TCERG1: variants seen among roughly 807,000 people sequenced by gnomAD.
The protein encoded by TCERG1 is TATA box binding protein (TBP)-associated factor, RNA polymerase II, S, 150kD.
A neutral mutation model predicts 144.7 loss-of-function variants in TCERG1; 37 were observed. That is an observed-to-expected ratio of 0.26 (90% CI 0.20 to 0.34). The LOEUF is 0.34. TCERG1 is among the 10% of genes least tolerant of loss of function. TCERG1 has a pLI of 1.00. For missense variants in TCERG1, 1,027 were observed against 1,380.7 expected (o/e 0.74, Z 4.06); for synonymous variants, 492 against 458.2 (o/e 1.07, Z -0.94).
In TCERG1 at chr5:146,480,056, A is replaced by G. The variant is rs376734874; in HGVS notation, c.1848A>G (p.Glu616=). The change falls in exon 12 of 23, where the codon GAA becomes GAG. Residue 616 remains glutamate, a synonymous_variant. Coordinates refer to ENST00000679501, the MANE Select transcript of TCERG1 (RefSeq NM_001382548.1). ...AIKEEQELME[E]INEDEPVKAK... ...AAGAGGAACAAGAATTAATGGAAGA[A>G]ATTAATGAAGATGAGCCTGTTAAAG... The G allele has an allele frequency of 3.4e-5, 54 of 1,601,874 alleles. No homozygotes were observed. The Admixed American group carries it at 5.9e-4, about 17-fold the overall frequency.
rs1581571737 is a variant in TCERG1, at chr5:146,503,195, G to A, written c.2434-180G>A. 3 of 462,104 alleles carry A rather than the reference G, an allele frequency of 6.5e-6. No homozygotes were observed. In the East Asian group the frequency reaches 1.0e-4, roughly 16 times the overall value. The allele number at this position is 462,104 out of a possible 1,614,324, so 28.6% of individuals were successfully genotyped here. A position where few individuals can be genotyped will look rare whatever the true frequency, so the allele number is the denominator to read the frequency against. On this transcript the variant is annotated intron_variant, in intron 17 of 22. Coordinates refer to ENST00000679501, the MANE Select transcript of TCERG1 (RefSeq NM_001382548.1). The stretch of plus-strand genomic sequence containing the variant: ...ATGCTTGTCGATGTTTACATTTCTA[G>A]TAAAAGAACACTTCTGATCTTTTAC...
intron 3 of TCERG1, 122 bp downstream of exon 3, chr5:146,457,457 G>A (rs1762923431): frequency 1.0e-6 from 1 of 973,394 alleles, no homozygotes; most frequent in African/African-American, 1.7e-5. Flanking sequence ...AGCAGGGAAT[G>A]GGGTAAGACT....
chr5:146,490,997 AT>A (rs1561687256), intron 15 of TCERG1, among the ~76,000 whole-genome samples: 2 of 151,496 alleles, frequency 1.3e-5, no homozygotes, highest in Non-Finnish European at 2.9e-5. Context: ...GTTTAGGAAC[AT>A]TTTTTTCTTT....
chr5:146,455,916 A>G (rs752478593), intron 2 of TCERG1, among the ~76,000 whole-genome samples: 2 of 152,248 alleles, frequency 1.3e-5, no homozygotes, highest in Non-Finnish European at 2.9e-5. Flanking sequence ...AGGTGAGGTC[A>G]TGAAGGTATG....
rs1025064992 is a variant in TCERG1, at chr5:146,481,187, G to A, written c.1924G>A (p.Ala642Thr). The A allele has an allele frequency of 4.1e-5, 40 of 985,128 alleles. No individual in the cohort carries two copies. The highest frequency in any genetic ancestry group is 1.1e-4 in the East Asian group (1 of 8,826). 61.0% of individuals were successfully genotyped at this position (985,128 alleles called of 1,614,324 possible). ...SKKSFMWIAR[A>T]SLFRRDDNKD... ...GAAGTCCTTTATGTGGATTGCCCGA[G>A]CTTCTCTATTTAGGTACAAAGCTAA... Residue 642 changes from alanine to threonine, a missense_variant, in exon 13 of 23, where the codon GCT (alanine) becomes ACT (threonine). Transcript: ENST00000679501.
Position 146,507,971 on chromosome 5 carries a change from T to A in TCERG1, c.3045+15T>A. The A allele has an allele frequency of 1.3e-6, 2 of 1,584,976 alleles. No homozygotes were observed. Among genetic ancestry groups the A allele is most frequent in the Non-Finnish European group, 1.7e-6 (2 of 1,160,930 alleles). On this transcript the variant is annotated intron_variant, in intron 21 of 22. Transcript: ENST00000679501. The surrounding 1 kb of genome is among the most constrained non-coding windows in gnomAD (Gnocchi z 4.6). ...CCAGTGACAGGGTAAGAGGATTTTG[T>A]GTCGAGATTTACTGTCAGTCTATAA... is the stretch of plus-strand genomic sequence containing the variant.
intron 22 of TCERG1, among the ~76,000 whole-genome samples, chr5:146,509,576 T>G (rs1320398500): frequency 6.6e-6 from 1 of 151,884 alleles, no homozygotes; most frequent in Non-Finnish European, 1.5e-5. Context: ...ACTTTTAAAA[T>G]AATCTTTCAC....
At chr5:146,465,841 C>T (rs1763732180) in intron 5 of TCERG1, among the ~76,000 whole-genome samples, 1 of 151,908 alleles carries the variant, frequency 6.6e-6, no homozygotes, top group Non-Finnish European at 1.5e-5. Context: ...AGACTAGCCT[C>T]AACATGGAGA....
chr5:146,482,861 A>T (rs1644780878), intron 14 of TCERG1, 134 bp downstream of exon 14: 1 of 1,242,802 alleles, frequency 8.0e-7, no homozygotes, highest in South Asian at 2.4e-5. Flanking sequence ...ATTACTGTAC[A>T]TTTTTTGCAA....
chr5:146,483,541 T>C lies in TCERG1; in HGVS notation c.2075T>C (p.Val692Ala). Residue 692 changes from valine (V) to alanine (A), a missense_variant and splice_region_variant, in exon 15 of 23, where the codon GTG becomes GCG. By Grantham distance (64) the Val-to-Ala change is moderately conservative. Around this residue, in one of 6 missense-constraint regions of TCERG1, gnomAD observed 482 missense variants for 632.6 expected, o/e 0.76. Transcript: ENST00000679501. Reference sequence around the variant, plus strand: ...AGGCAATACGTTTTTATTTTAAAGGTGTCTGCTTTTTCAACGTGGGAGAAG... The same window carrying C: ...AGGCAATACGTTTTTATTTTAAAGGCGTCTGCTTTTTCAACGTGGGAGAAG... ...QFKDMLLERG[V>A]SAFSTWEKEL... 6.2e-7 allele frequency: 1 copy of C among 1,611,174 alleles called. No homozygotes were observed. The highest frequency in any genetic ancestry group is 8.5e-7 in the Non-Finnish European group (1 of 1,178,624).
chr5:146,475,667 A>G (rs1764776079), intron 9 of TCERG1, among the ~76,000 whole-genome samples: 1 of 152,228 alleles, frequency 6.6e-6, no homozygotes, highest in Non-Finnish European at 1.5e-5. Context: ...GACCTTGAGC[A>G]GTAGGATATA....
intron 15 of TCERG1, among the ~76,000 whole-genome samples, chr5:146,487,832 A>C (rs1453054977): frequency 6.6e-6 from 1 of 152,186 alleles, no homozygotes; most frequent in Non-Finnish European, 1.5e-5. Flanking sequence ...GACGTATCGT[A>C]GTACCAGACT....
At chr5:146,449,994 C>A (rs953592273) in intron 1 of TCERG1, among the ~76,000 whole-genome samples, 1 of 152,072 alleles carries the variant, frequency 6.6e-6, no homozygotes, top group Non-Finnish European at 1.5e-5. Flanking sequence ...GTCAAACTTA[C>A]CTTATTGGGC....
chr5:146,500,785 C>T (rs1291463834), intron 17 of TCERG1, among the ~76,000 whole-genome samples: 1 of 152,040 alleles, frequency 6.6e-6, no homozygotes, highest in Admixed American at 6.6e-5. Flanking sequence ...CTTTGGGAGG[C>T]TGAGGCACGA....
At chr5:146,506,685 T>G (rs911779866) in intron 19 of TCERG1, among the ~76,000 whole-genome samples, 7 of 152,212 alleles carry the variant, frequency 4.6e-5, no homozygotes, top group African/African-American at 9.6e-5. Flanking sequence ...CCCCCTAGAC[T>G]TTGGTGACCA....
chr5:146,466,786 G>C (rs1179443041), intron 5 of TCERG1, among the ~76,000 whole-genome samples: 1 of 152,102 alleles, frequency 6.6e-6, no homozygotes, highest in Non-Finnish European at 1.5e-5. Flanking sequence ...TAATAATGGT[G>C]GTTAAGCCTA....
chr5:146,493,815 CTT>C, intron 16 of TCERG1, among the ~76,000 whole-genome samples: 1 of 152,096 alleles, frequency 6.6e-6, no homozygotes, highest in East Asian at 1.9e-4. Context: ...TTATTTATGA[CTT>C]AGATGTAAGA....
chr5:146,503,295 G>T, intron 17 of TCERG1, 80 bp from the exon 18 acceptor site: 7 of 1,385,632 alleles, frequency 5.1e-6, no homozygotes, highest in South Asian at 2.9e-5. Flanking sequence ...TTTTTTTCTA[G>T]TTGTAAATAT....
chr5:146,480,090 C>G lies in TCERG1; in HGVS notation c.1882C>G (p.Arg628Gly). ...AGATGAGCCTGTTAAAGCAAAAAAA[C>G]GGAAGTAAGTAATACATACGATTTG... is the stretch of plus-strand genomic sequence containing the variant. ...NEDEPVKAKKRKRMSKKSFMW... is the reference protein window; with the variant it reads ...NEDEPVKAKKGKRMSKKSFMW... The change falls in exon 12 of 23, where the codon CGG (arginine) becomes GGG (glycine). Residue 628 changes from arginine to glycine, a missense_variant. Transcript: ENST00000679501. 1 of 1,592,502 alleles carries G rather than the reference C, an allele frequency of 6.3e-7. No homozygotes were observed. Among genetic ancestry groups the G allele is most frequent in the Non-Finnish European group, 8.5e-7 (1 of 1,169,676 alleles).
Sources: allele counts gnomAD v4.1 joint callset (sites outside exome capture counted in the v4.1 genomes callset), GRCh38; gene constraint gnomAD v4.1.1; regional missense constraint gnomAD v4.1.1; non-coding constraint Gnocchi (gnomAD v3.1); transcripts MANE v1.5; gene names NCBI Gene and HGNC (gene_info 2026-07-23, HGNC 2026-07-21).